GRM8: variants seen among roughly 807,000 people sequenced by gnomAD.
GRM8 encodes the protein metabotropic glutamate receptor 8.
In GRM8, 47 loss-of-function variants were observed where a neutral mutation model predicts 87.2. The ratio of observed to expected loss-of-function variants is 0.54; its 90% CI spans 0.43 to 0.69. The LOEUF (loss-of-function observed/expected upper bound fraction) is 0.69. Among genes scored for constraint, GRM8 ranks in the 30% least tolerant of loss-of-function variants. The probability of loss-of-function intolerance (pLI) is 0.00; values close to 1 mark genes in which losing one functional copy is unlikely to be tolerated. For synonymous variants in GRM8, 396 were observed against 404.5 expected, an observed-to-expected ratio of 0.98 and a Z score of 0.25; for missense variants, 1,019 against 1,139.2, an observed-to-expected ratio of 0.89 and a Z score of 1.52.
intron 9 of GRM8, among the ~76,000 whole-genome samples, chr7:126,483,363 A>G (rs2150603214): frequency 6.6e-6 from 1 of 151,736 alleles, no homozygotes. Context: ...AGACTTGAGC[A>G]TCAGTCACTA....
At chr7:126,740,400 G>A (rs1814816478) in intron 7 of GRM8, among the ~76,000 whole-genome samples, 1 of 152,078 alleles carries the variant, frequency 6.6e-6, no homozygotes, top group South Asian at 2.1e-4. Flanking sequence ...TACGAAGACA[G>A]AAAATAAGAA....
At chr7:127,156,330 T>A (rs962983683) in intron 2 of GRM8, among the ~76,000 whole-genome samples, 1 of 152,122 alleles carries the variant, frequency 6.6e-6, no homozygotes, top group Admixed American at 6.5e-5. Context: ...CTGGGCTGCA[T>A]TGGGAGAAGA....
intron 2 of GRM8, among the ~76,000 whole-genome samples, chr7:127,126,712 GC>G (rs1827394074): frequency 1.3e-5 from 2 of 151,720 alleles, no homozygotes; most frequent in Non-Finnish European, 2.9e-5. Flanking sequence ...GACACAAAAA[GC>G]ACAGTTCATA....
chr7:126,483,555 C>A (rs1003887084), intron 9 of GRM8, among the ~76,000 whole-genome samples: 7 of 138,476 alleles, frequency 5.1e-5, no homozygotes, highest in African/African-American at 1.6e-4. Context: ...ACTAATGCGT[C>A]CCTAACCAAA....
At chr7:126,806,785 C>T (rs971218410) in intron 6 of GRM8, among the ~76,000 whole-genome samples, 48 of 152,230 alleles carry the variant, frequency 3.2e-4, no homozygotes, top group South Asian at 6.2e-4. Flanking sequence ...AGGTGCCTGC[C>T]GGCTGTGCCG....
intron 3 of GRM8, among the ~76,000 whole-genome samples, chr7:126,953,417 T>G (rs564642854): frequency 4.4e-4 from 67 of 152,250 alleles, no homozygotes; most frequent in Non-Finnish European, 8.5e-4. Flanking sequence ...TAAAAAGCTT[T>G]TGTCATTTCT....
At chr7:127,148,308 C>T (rs1265751710) in intron 2 of GRM8, among the ~76,000 whole-genome samples, 3 of 151,744 alleles carry the variant, frequency 2.0e-5, no homozygotes, top group South Asian at 4.2e-4. Context: ...GCACCCCACA[C>T]CAGAGCACCT....
intron 3 of GRM8, among the ~76,000 whole-genome samples, chr7:127,064,491 T>C (rs143336533): frequency 6.6e-6 from 1 of 152,334 alleles, no homozygotes; most frequent in African/African-American, 2.4e-5. Context: ...CTCCATCTCT[T>C]TATTTTGAGC....
rs184367019 is a variant in GRM8, at chr7:126,577,508, A to G, written c.1494+31854T>C. On this transcript the variant is annotated intron_variant, in intron 8 of 10. Transcript: ENST00000339582. ...ATACAAATTTCTGTGAAATTTCCAA[A>G]GTGTAAAACACTATGAAGTTCTACT... Among the ~76,000 whole-genome samples the G allele has an allele frequency of 6.6e-5, 10 of 152,292 alleles. 1 individual carries two copies. The East Asian group carries it at 1.9e-3, about 29-fold the overall frequency.
At chr7:127,057,147 GAGAA>G (rs540898862) in intron 3 of GRM8, among the ~76,000 whole-genome samples, 238 of 152,230 alleles carry the variant, frequency 1.6e-3, no homozygotes, top group Non-Finnish European at 2.8e-3. Flanking sequence ...GTTTACAGAA[GAGAA>G]AGAGTTACCA....
intron 9 of GRM8, among the ~76,000 whole-genome samples, chr7:126,485,719 G>C (rs373951771): frequency 6.6e-6 from 1 of 152,056 alleles, no homozygotes; most frequent in Admixed American, 6.6e-5. Flanking sequence ...TTCGGCCTGA[G>C]AACTAAAACT....
intron 3 of GRM8, among the ~76,000 whole-genome samples, chr7:127,041,412 C>T (rs992209830): frequency 6.6e-6 from 1 of 152,200 alleles, no homozygotes; most frequent in African/African-American, 2.4e-5. Flanking sequence ...TCAGTGTCTT[C>T]CTTGTACTTA....
intron 3 of GRM8, among the ~76,000 whole-genome samples, chr7:126,963,627 T>A (rs1464521613): frequency 1.3e-5 from 2 of 152,126 alleles, no homozygotes; most frequent in African/African-American, 4.8e-5. Flanking sequence ...ATGAAGGACC[T>A]CTTCAAGGAG....
chr7:126,533,055 G>A lies in GRM8; in HGVS notation c.2327C>T (p.Thr776Ile). 2 of 1,613,472 alleles carry A rather than the reference G, an allele frequency of 1.2e-6. No individual in the cohort carries two copies. Among genetic ancestry groups the A allele is most frequent in the South Asian group, 2.2e-5 (2 of 91,060 alleles). Residue 776 changes from threonine (T) to isoleucine (I), a missense_variant, in exon 9 of 11, where the codon ACT becomes ATT. Physicochemically the swap from Thr to Ile is moderately conservative, Grantham distance 89. Transcript: ENST00000339582. ...YAIKTRGVPE[T>I]FNEAKPIGFT... ...TCCAATAGGTTTGGCTTCATTGAAA[G>A]TCTCTGGGACACCTCTCGTTTTAAT... is the stretch of plus-strand genomic sequence containing the variant.
intron 6 of GRM8, among the ~76,000 whole-genome samples, chr7:126,858,767 C>T (rs1290302509): frequency 6.6e-6 from 1 of 152,144 alleles, no homozygotes; most frequent in African/African-American, 2.4e-5. Flanking sequence ...TAAAACTAAC[C>T]CCCTCTGATC....
At chr7:126,651,819 G>A (rs182257349) in intron 7 of GRM8, among the ~76,000 whole-genome samples, 195 of 151,926 alleles carry the variant, frequency 1.3e-3, no homozygotes, top group Non-Finnish European at 2.5e-3. Flanking sequence ...GATCAATTGC[G>A]GCGTCTCTTA....
chr7:126,700,968 C>T (rs1757590726), intron 7 of GRM8, among the ~76,000 whole-genome samples: 1 of 151,866 alleles, frequency 6.6e-6, no homozygotes, highest in Non-Finnish European at 1.5e-5. Context: ...TTACTTGATC[C>T]CTCCTTCCTT....
intron 3 of GRM8, among the ~76,000 whole-genome samples, chr7:126,920,234 T>C (rs1275809522): frequency 6.6e-6 from 1 of 152,086 alleles, no homozygotes. Flanking sequence ...CAGGCTAACA[T>C]CCTAATCTCA....
chr7:127,250,495 T>C (rs1165477722), intron 1 of GRM8, among the ~76,000 whole-genome samples: 1 of 152,182 alleles, frequency 6.6e-6, no homozygotes, highest in African/African-American at 2.4e-5. Flanking sequence ...CCGTCATCTA[T>C]TTCTCCCCAC....
Sources: gnomAD v4.1 joint callset for allele counts (sites outside exome capture counted in the v4.1 genomes callset) on GRCh38, gnomAD v4.1.1 for gene constraint, MANE v1.5 for transcripts, NCBI Gene and HGNC (gene_info 2026-07-23, HGNC 2026-07-21) for gene names.